The following MTOR variants were observed in gnomAD, a reference collection of about 807,000 sequenced individuals.
MTOR encodes the protein serine/threonine-protein kinase mTOR.
In MTOR, 70 loss-of-function variants were observed where a neutral mutation model predicts 319.8. That is an observed-to-expected ratio of 0.22 (90% CI 0.18 to 0.27). MTOR has a LOEUF of 0.27. MTOR is among the 10% of genes least tolerant of loss of function. The pLI is 1.00. For missense variants in MTOR, 1,890 were observed against 3,274.4 expected (o/e 0.58, Z 10.32); for synonymous variants, 1,183 against 1,211.4 (o/e 0.98, Z 0.49).
chr1:11,203,879 T>C (rs1041449893), intron 26 of MTOR, among the ~76,000 whole-genome samples: 1 of 152,174 alleles, frequency 6.6e-6, no homozygotes, highest in African/African-American at 2.4e-5. Context: ...CAAGACTCTT[T>C]ATGACTTAGA....
chr1:11,260,847 T>A (rs931260051), intron 1 of MTOR, among the ~76,000 whole-genome samples: 2 of 150,296 alleles, frequency 1.3e-5, no homozygotes, highest in Non-Finnish European at 3.0e-5. Context: ...TGGAGTGCAG[T>A]GGCATGATCT....
At chr1:11,225,983 C>T (rs1406997022) in intron 19 of MTOR, among the ~76,000 whole-genome samples, 2 of 152,072 alleles carry the variant, frequency 1.3e-5, no homozygotes, top group Admixed American at 1.3e-4. Flanking sequence ...AAATTATAGA[C>T]CAATTCAATC....
intron 32 of MTOR, among the ~76,000 whole-genome samples, chr1:11,145,525 C>T (rs1343228488): frequency 1.3e-5 from 2 of 151,990 alleles, no homozygotes; most frequent in East Asian, 1.9e-4. Flanking sequence ...GCTGGGGTTA[C>T]AGGCGCCCGC....
At chr1:11,160,008 A>G (rs1644425502) in intron 29 of MTOR, among the ~76,000 whole-genome samples, 1 of 152,210 alleles carries the variant, frequency 6.6e-6, no homozygotes, top group Admixed American at 6.5e-5. Context: ...CAAAGATGGC[A>G]GTAGGGAAGT....
chr1:11,189,950 C>A, intron 28 of MTOR: 1 of 1,607,262 alleles, frequency 6.2e-7, no homozygotes, highest in Non-Finnish European at 8.5e-7. Flanking sequence ...ACTCAGACCT[C>A]CGCAGGTAAG....
chr1:11,207,597 CTTTT>C (rs34578052), intron 25 of MTOR, among the ~76,000 whole-genome samples: 57 of 121,686 alleles, frequency 4.7e-4, no homozygotes, highest in African/African-American at 1.2e-3. Flanking sequence ...TTTTCAATTC[CTTTT>C]TTTTTTTTTT....
chr1:11,218,123 T>C (rs1203549124), intron 19 of MTOR, among the ~76,000 whole-genome samples: 2 of 152,134 alleles, frequency 1.3e-5, no homozygotes, highest in Non-Finnish European at 2.9e-5. Context: ...ATATGTATAG[T>C]GGTCCCTATA....
chr1:11,250,047 G>A, intron 6 of MTOR, among the ~76,000 whole-genome samples: 2 of 144,304 alleles, frequency 1.4e-5, no homozygotes, highest in Non-Finnish European at 3.1e-5. Flanking sequence ...CGGGCGGGGG[G>A]CTGACCCCCA....
At chr1:11,235,174 T>C (rs983098098) in intron 13 of MTOR, among the ~76,000 whole-genome samples, 1 of 152,164 alleles carries the variant, frequency 6.6e-6, no homozygotes, top group South Asian at 2.1e-4. Context: ...CATGGCTGAC[T>C]GCAAGGAAAT....
chr1:11,175,613 G>A (rs1415798437), intron 28 of MTOR, among the ~76,000 whole-genome samples: 2 of 152,266 alleles, frequency 1.3e-5, no homozygotes, highest in African/African-American at 4.8e-5. Flanking sequence ...TGCGAGCTGA[G>A]CAGCGGGTGG....
chr1:11,130,998 G>T, intron 38 of MTOR: 1 of 612,582 alleles, frequency 1.6e-6, no homozygotes. Context: ...TGAGTGCACT[G>T]CGAGAAGGGC....
intron 28 of MTOR, among the ~76,000 whole-genome samples, chr1:11,191,900 T>C (rs1344632078): frequency 6.6e-6 from 1 of 152,180 alleles, no homozygotes; most frequent in Non-Finnish European, 1.5e-5. Flanking sequence ...GTGGCGGCTG[T>C]CTAAGAAGTC....
intron 28 of MTOR, among the ~76,000 whole-genome samples, chr1:11,170,502 G>A (rs1644778679): frequency 6.6e-6 from 1 of 151,708 alleles, no homozygotes; most frequent in South Asian, 2.1e-4. Flanking sequence ...GATTGCTTGA[G>A]CTCAGGAGTT....
rs2100286007 is a variant in MTOR, at chr1:11,109,259, T to A, written c.7528+31A>T. 6.2e-7 allele frequency: 1 copy of A among 1,600,114 alleles called. No individual in the cohort carries two copies. Among genetic ancestry groups the A allele is most frequent in the Non-Finnish European group, 8.5e-7 (1 of 1,169,708 alleles). On this transcript the variant is annotated intron_variant, in intron 56 of 57. Transcript: ENST00000361445. The surrounding 1 kb of genome is among the most constrained non-coding windows in gnomAD (Gnocchi z 4.0). Reference sequence around the variant, plus strand: ...GAGGAAAGTGTGCTCAGATTTTATGTCCCTTTTAAGTAAACACATGACACA... The same window carrying A: ...GAGGAAAGTGTGCTCAGATTTTATGACCCTTTTAAGTAAACACATGACACA...
intron 53 of MTOR, among the ~76,000 whole-genome samples, chr1:11,113,786 T>C (rs560382428): frequency 6.6e-6 from 1 of 152,044 alleles, no homozygotes; most frequent in Admixed American, 6.5e-5. Context: ...CTTAATATGG[T>C]TTGGCTGTGT....
intron 29 of MTOR, among the ~76,000 whole-genome samples, chr1:11,160,250 A>G (rs954664392): frequency 3.3e-5 from 5 of 152,030 alleles, no homozygotes; most frequent in East Asian, 3.9e-4. Context: ...ACAGGTATGC[A>G]CCACCATGCC....
chr1:11,172,740 A>C (rs959734831), intron 28 of MTOR, among the ~76,000 whole-genome samples: 1 of 151,388 alleles, frequency 6.6e-6, no homozygotes, highest in African/African-American at 2.4e-5. Context: ...GTGGTGGCGA[A>C]CGCCTGTAAT....
intron 24 of MTOR, among the ~76,000 whole-genome samples, chr1:11,209,794 A>C (rs2273128): frequency 0.032 from 4,799 of 152,294 alleles, 198 homozygotes; most frequent in African/African-American, 0.074. Context: ...GGCTTTTTAA[A>C]ACTTTTTAAA....
intron 28 of MTOR, among the ~76,000 whole-genome samples, chr1:11,170,199 T>C (rs1644769036): frequency 6.6e-6 from 1 of 152,198 alleles, no homozygotes. Flanking sequence ...TGAGGTTTTC[T>C]AAGCTAAGAA....
Sources: allele counts gnomAD v4.1 joint callset (sites outside exome capture counted in the v4.1 genomes callset), GRCh38; gene constraint gnomAD v4.1.1; non-coding constraint Gnocchi (gnomAD v3.1); transcripts MANE v1.5; gene names NCBI Gene and HGNC (gene_info 2026-07-23, HGNC 2026-07-21).